Variants in PCDHAC2 observed in about 807,000 individuals in gnomAD.
PCDHAC2 encodes the protein protocadherin alpha-C2.
PCDHAC2 carries 24 observed loss-of-function variants against 63.3 expected under a neutral mutation model. The observed-to-expected ratio is 0.38, with a 90% CI of 0.27 to 0.53. The LOEUF is 0.53. PCDHAC2 is among the 20% of genes least tolerant of loss of function. The probability of loss-of-function intolerance (pLI) is 0.81; values close to 1 mark genes in which losing one functional copy is unlikely to be tolerated. For missense variants in PCDHAC2, 1,181 were observed against 1,275.2 expected (o/e 0.93, Z 1.12); for synonymous variants, 569 against 529.4 (o/e 1.07, Z -1.03).
Position 140,978,839 on chromosome 5 carries a change from C to CT in PCDHAC2, c.2566-104dup, listed in dbSNP as rs5871758. On this transcript the variant is annotated intron_variant, in intron 1 of 3. Transcript: ENST00000289269. ...TACACATGAAATGGCTCATTCAATA[C>CT]TTTTTTAGATGCCTGGAAATATTTA... 14,607 of 1,556,970 alleles carry CT rather than the reference C, an allele frequency of 9.4e-3. 629 individuals carry two copies. The African/African-American group carries it at 0.12, about 13-fold the overall frequency.
rs375332226 is a variant in PCDHAC2 at position 141,003,567 on chromosome 5, ACTCCCAAAGTG to A, written c.2714-6057_2714-6047del. Among the ~76,000 whole-genome samples, 186 of 152,020 alleles carry A rather than the reference ACTCCCAAAGTG, an allele frequency of 1.2e-3. 1 individual carries two copies. Among genetic ancestry groups the A allele is most frequent in the African/African-American group, 4.1e-3 (172 of 41,464 alleles). On this transcript the variant is annotated intron_variant, in intron 3 of 3. Coordinates refer to ENST00000289269, the MANE Select transcript of PCDHAC2 (RefSeq NM_018899.6). ...GCTTCAAGTGATCCACCTGCCTCAGACTCCCAAAGTGCTGGGATTTTAGATGTGAGCCACCA... is the reference window on the plus strand; with the variant it reads ...GCTTCAAGTGATCCACCTGCCTCAGACTGGGATTTTAGATGTGAGCCACCA...
At position 140,968,696 on chromosome 5, in the gene PCDHAC2, A is replaced by G. The variant is rs1554230980; in HGVS notation, c.1930A>G (p.Thr644Ala). 6.2e-7 allele frequency: 1 copy of G among 1,614,134 alleles called. No individual in the cohort carries two copies. Among genetic ancestry groups the G allele is most frequent in the Non-Finnish European group, 8.5e-7 (1 of 1,180,040 alleles). ...KVELHTGEIR[T>A]TRKMGDESGS... is the part of the protein sequence containing the mutation. ...AGAGCTGCACACAGGAGAAATTAGG[A>G]CTACCAGGAAGATGGGAGATGAGAG... Residue 644 changes from threonine to alanine, a missense_variant, in exon 1 of 4, where the codon ACT (threonine) becomes GCT (alanine). This residue lies in a region of PCDHAC2 where 968 missense variants were observed against 1,073.5 expected (regional missense o/e 0.90). Coordinates refer to ENST00000289269, the MANE Select transcript of PCDHAC2 (RefSeq NM_018899.6).
intron 1 of PCDHAC2, among the ~76,000 whole-genome samples, chr5:140,972,279 A>G (rs568636203): frequency 3.3e-5 from 5 of 150,992 alleles, no homozygotes; most frequent in South Asian, 4.2e-4. Context: ...AGCTTGGACC[A>G]TAGATGTGCG....
At chr5:140,988,874 T>G (rs1407460154) in intron 3 of PCDHAC2, 2 of 152,194 alleles carry the variant, frequency 1.3e-5, no homozygotes, top group Non-Finnish European at 1.5e-5. Flanking sequence ...CACTCAGATG[T>G]ACGATCCTGG....
chr5:140,972,820 C>T (rs1247488574), intron 1 of PCDHAC2, among the ~76,000 whole-genome samples: 1 of 151,962 alleles, frequency 6.6e-6, no homozygotes, highest in Non-Finnish European at 1.5e-5. Context: ...CGCGCCACCA[C>T]GCCTGGCTAA....
In PCDHAC2 at chr5:140,966,993, G is replaced by A; in HGVS notation, c.227G>A (p.Cys76Tyr). The change falls in exon 1 of 4, where the codon TGC becomes TAC. Residue 76 changes from cysteine (C) to tyrosine (Y), a missense_variant. By Grantham distance (194) the Cys-to-Tyr change is radical (BLOSUM62 -2). This residue lies in a region of PCDHAC2 where 210 missense variants were observed against 184.9 expected (regional missense o/e 1.14). Transcript: ENST00000289269. Reference sequence around the variant, plus strand: ...GAGCTGCGGCGCTTGGGGCCGGGTTGCTTGCGCATCAACCATCTGGGTGCG... The same window carrying A: ...GAGCTGCGGCGCTTGGGGCCGGGTTACTTGCGCATCAACCATCTGGGTGCG... ...GLELRRLGPG[C>Y]LRINHLGAPS... 4 of 1,604,524 alleles carry A rather than the reference G, an allele frequency of 2.5e-6. No individual in the cohort carries two copies. The highest frequency in any genetic ancestry group is 3.4e-6 in the Non-Finnish European group (4 of 1,177,786).
chr5:140,969,880 A>G (rs1365035569), intron 1 of PCDHAC2, among the ~76,000 whole-genome samples: 2 of 152,238 alleles, frequency 1.3e-5, no homozygotes, highest in Non-Finnish European at 2.9e-5. Flanking sequence ...CCTATGTGAT[A>G]GGATCCTCTG....
At chr5:140,981,982 A>G (rs1026116713) in intron 2 of PCDHAC2, among the ~76,000 whole-genome samples, 6 of 152,218 alleles carry the variant, frequency 3.9e-5, no homozygotes, top group Admixed American at 2.0e-4. Context: ...AAAGAGTAAA[A>G]TAGAAAATAA....
chr5:140,969,198 C>T lies in PCDHAC2; in HGVS notation c.2432C>T (p.Thr811Ile), dbSNP rs2096305688. ...SGSDTFMFYN[T>I]GAQTGPGPSG... ...AGTGACACTTTCATGTTTTACAATA[C>T]AGGGGCCCAGACAGGACCAGGGCCT... The change falls in exon 1 of 4, where the codon ACA (threonine) becomes ATA (isoleucine). Residue 811 changes from threonine (T) to isoleucine (I), a missense_variant. Coordinates refer to ENST00000289269, the MANE Select transcript of PCDHAC2 (RefSeq NM_018899.6). 1 of 1,614,166 alleles carries T rather than the reference C, an allele frequency of 6.2e-7. No individual in the cohort carries two copies. Among genetic ancestry groups the T allele is most frequent in the Non-Finnish European group, 8.5e-7 (1 of 1,180,032 alleles).
At chr5:140,986,458 A>G (rs1199378141) in intron 3 of PCDHAC2, among the ~76,000 whole-genome samples, 1 of 152,166 alleles carries the variant, frequency 6.6e-6, no homozygotes, top group Admixed American at 6.5e-5. Flanking sequence ...GTTTTAATGA[A>G]TGCCCTCTTG....
At chr5:140,978,283 G>A (rs1355729190) in intron 1 of PCDHAC2, among the ~76,000 whole-genome samples, 3 of 152,200 alleles carry the variant, frequency 2.0e-5, no homozygotes, top group South Asian at 2.1e-4. Context: ...CAGTGATTCA[G>A]TGAGGAGGGA....
chr5:141,009,935 T>C lies in PCDHAC2; in HGVS notation c.3022T>C (p.Ter1008ArgextTer53). The change falls in exon 4 of 4, where the codon TGA (stop) becomes CGA (arginine). Residue 1008 changes from the stop codon to arginine, a stop_lost. Coordinates refer to ENST00000289269, the MANE Select transcript of PCDHAC2 (RefSeq NM_018899.6). ...CAGCACGACTGACAACAGTGACCAG[T>C]GAGGTCCTCAAATGGAAACAAGCCA... ...GNSTTDNSDQ[*>R] 1.2e-6 allele frequency: 2 copies of C among 1,602,416 alleles called. No homozygotes were observed. The highest frequency in any genetic ancestry group is 1.7e-6 in the Non-Finnish European group (2 of 1,176,054).
At position 140,998,145 on chromosome 5, in the gene PCDHAC2, A is replaced by G. The variant is rs115385085; in HGVS notation, c.2714-11482A>G. ...GAATCATAATAGCTAACCTGTACTG[A>G]ACAGTTAAGCCATGTGCCAAGTATT... On this transcript the variant is annotated intron_variant, in intron 3 of 3. Transcript: ENST00000289269. 2.1e-3 allele frequency among the ~76,000 whole-genome samples: 325 copies of G among 152,342 alleles called. 2 individuals carry two copies. Among genetic ancestry groups the G allele is most frequent in the African/African-American group, 7.1e-3 (294 of 41,566 alleles).
At chr5:141,002,726 A>C (rs1488452359) in intron 3 of PCDHAC2, among the ~76,000 whole-genome samples, 1 of 152,250 alleles carries the variant, frequency 6.6e-6, no homozygotes, top group Non-Finnish European at 1.5e-5. Context: ...GGAAGGGCAC[A>C]GTAAATGTTA....
chr5:141,006,357 G>A (rs1296731156), intron 3 of PCDHAC2, among the ~76,000 whole-genome samples: 1 of 151,914 alleles, frequency 6.6e-6, no homozygotes, highest in Middle Eastern at 3.4e-3. Context: ...GACTATAGGC[G>A]CCCACCACCA....
intron 3 of PCDHAC2, among the ~76,000 whole-genome samples, chr5:140,987,981 ACT>A (rs2153869731): frequency 6.6e-6 from 1 of 152,028 alleles, no homozygotes; most frequent in African/African-American, 2.4e-5. Context: ...CTCCATGGAG[ACT>A]CCATCTCTGA....
Position 140,966,727 on chromosome 5 carries a change from C to T in PCDHAC2, c.-40C>T, listed in dbSNP as rs1330950109. 2.8e-6 allele frequency: 4 copies of T among 1,405,404 alleles called. No individual in the cohort carries two copies. The highest frequency in any genetic ancestry group is 2.8e-5 in the East Asian group (1 of 35,558). The allele number at this position is 1,405,404 out of a possible 1,614,324, so 87.1% of individuals were successfully genotyped here. ...GGGGCACGGCTGGGGAAGCTGCCGC[C>T]TCCGGCCCTGCCCGGCTGCCTCCGC... On this transcript the variant is annotated 5_prime_UTR_variant, in exon 1 of 4. Transcript: ENST00000289269.
chr5:140,982,507 G>T lies in PCDHAC2; in HGVS notation c.2657G>T (p.Arg886Leu). Reference sequence around the variant, plus strand: ...CACCTAGAGGAGGCTGGCATTCTACGGGCTGGTCCAGGAGGGCCTGATCAG... The same window carrying T: ...CACCTAGAGGAGGCTGGCATTCTACTGGCTGGTCCAGGAGGGCCTGATCAG... The part of the protein sequence containing the change: ...SVHLEEAGIL[R>L]AGPGGPDQQW... The change falls in exon 3 of 4, where the codon CGG becomes CTG. Residue 886 changes from arginine to leucine, a missense_variant. Physicochemically the swap from Arg to Leu is moderately radical, Grantham distance 102. Coordinates refer to ENST00000289269, the MANE Select transcript of PCDHAC2 (RefSeq NM_018899.6). 6.2e-7 allele frequency: 1 copy of T among 1,614,138 alleles called. No homozygotes were observed. Among genetic ancestry groups the T allele is most frequent in the Non-Finnish European group, 8.5e-7 (1 of 1,180,018 alleles).
Position 141,003,903 on chromosome 5 carries a change from G to C in PCDHAC2, c.2714-5724G>C, listed in dbSNP as rs150270772. Among the ~76,000 whole-genome samples, 254 of 152,194 alleles carry C rather than the reference G, an allele frequency of 1.7e-3. 1 individual carries two copies. Among genetic ancestry groups the C allele is most frequent in the Non-Finnish European group, 3.4e-3 (231 of 67,998 alleles). ...AGCCTCTTAACAGGCCCATTCATTT[G>C]GGTCTTGACTGCATCCTCAGTCTTG... On this transcript the variant is annotated intron_variant, in intron 3 of 3. Coordinates refer to ENST00000289269, the MANE Select transcript of PCDHAC2 (RefSeq NM_018899.6).
Sources: gnomAD v4.1 joint callset for allele counts (sites outside exome capture counted in the v4.1 genomes callset) on GRCh38, gnomAD v4.1.1 for gene constraint, gnomAD v4.1.1 regional missense constraint, MANE v1.5 for transcripts, NCBI Gene and HGNC (gene_info 2026-07-23, HGNC 2026-07-21) for gene names.